Variants in RYR3 observed in about 807,000 individuals in gnomAD.
RYR3 encodes the protein brain ryanodine receptor-calcium release channel.
Under a neutral mutation model 584.3 loss-of-function variants are expected in RYR3, and 207 were observed. The observed-to-expected ratio is 0.35, with a 90% CI of 0.32 to 0.40. The LOEUF is 0.40. Ranked by LOEUF, RYR3 falls within the 10% of genes least tolerant of loss-of-function variation. The pLI, the probability that RYR3 is intolerant of heterozygous loss-of-function variation, is 1.00. For synonymous variants in RYR3, 2,416 were observed against 2,248.5 expected, an observed-to-expected ratio of 1.07 and a Z score of -2.11; for missense variants, 5,616 against 6,089.2, an observed-to-expected ratio of 0.92 and a Z score of 2.59.
intron 1 of RYR3, among the ~76,000 whole-genome samples, chr15:33,327,638 T>A (rs1969885202): frequency 6.6e-6 from 1 of 152,190 alleles, no homozygotes; most frequent in African/African-American, 2.4e-5. Context: ...TTACTTCATG[T>A]TATGAAAATC....
intron 19 of RYR3, among the ~76,000 whole-genome samples, chr15:33,614,455 C>G (rs560246501): frequency 1.6e-4 from 25 of 152,202 alleles, no homozygotes; most frequent in African/African-American, 5.3e-4. Flanking sequence ...TTAATTTTTA[C>G]TGTTATTTGT....
At chr15:33,679,805 A>G (rs944111658) in intron 38 of RYR3, among the ~76,000 whole-genome samples, 1 of 152,230 alleles carries the variant, frequency 6.6e-6, no homozygotes, top group African/African-American at 2.4e-5. Flanking sequence ...GAAAATGAGT[A>G]ATCTGCCCAG....
intron 1 of RYR3, among the ~76,000 whole-genome samples, chr15:33,438,477 T>C (rs995992253): frequency 1.3e-5 from 2 of 152,168 alleles, no homozygotes; most frequent in African/African-American, 4.8e-5. Flanking sequence ...TGTCTTTTTG[T>C]GTGGTGTGGA....
chr15:33,590,379 C>A (rs1410849700), intron 16 of RYR3, among the ~76,000 whole-genome samples: 2 of 152,130 alleles, frequency 1.3e-5, no homozygotes, highest in East Asian at 3.8e-4. Flanking sequence ...ATTGTCTGGG[C>A]TACTCAGGTT....
intron 3 of RYR3, among the ~76,000 whole-genome samples, chr15:33,522,573 C>T (rs1471302840): frequency 2.0e-5 from 3 of 152,140 alleles, no homozygotes; most frequent in East Asian, 1.9e-4. Context: ...CTTTATACTC[C>T]AAGGTTGAGA....
At chr15:33,596,495 T>TGCG (rs71454518) in intron 16 of RYR3, among the ~76,000 whole-genome samples, 1,576 of 133,812 alleles carry the variant, frequency 0.012, 36 homozygotes, top group Non-Finnish European at 0.019. Context: ...GTTCTTTTTT[T>TGCG]GGGGGGGGGG....
At chr15:33,483,479 G>C (rs959247286) in intron 2 of RYR3, among the ~76,000 whole-genome samples, 8 of 152,146 alleles carry the variant, frequency 5.3e-5, no homozygotes, top group African/African-American at 1.9e-4. Context: ...TAAATTACTA[G>C]TGTGTCTCCT....
intron 3 of RYR3, among the ~76,000 whole-genome samples, chr15:33,529,192 T>A (rs1009725675): frequency 5.3e-5 from 8 of 152,354 alleles, no homozygotes; most frequent in Admixed American, 2.0e-4. Context: ...TTCCACACAG[T>A]ATTAAAGCCT....
chr15:33,362,832 C>T (rs537480952), intron 1 of RYR3, among the ~76,000 whole-genome samples: 1 of 152,186 alleles, frequency 6.6e-6, no homozygotes, highest in Non-Finnish European at 1.5e-5. Flanking sequence ...TCCAACTCTC[C>T]CAGATAGTAT....
Position 33,533,328 on chromosome 15 carries a change from T to C in RYR3, c.372T>C (p.Thr124=). 6.2e-7 allele frequency: 1 copy of C among 1,606,114 alleles called. No individual in the cohort carries two copies. Among genetic ancestry groups the C allele is most frequent in the East Asian group, 2.2e-5 (1 of 44,734 alleles). The change falls in exon 5 of 104, where the codon ACT becomes ACC. Residue 124 remains threonine (T), a synonymous_variant. Coordinates refer to ENST00000634891, the MANE Select transcript of RYR3 (RefSeq NM_001036.6). ...TTTCACAGTATCTAACATGCTTGACTACATCAAGATCCCAGACAGACAAAC... is the reference window on the plus strand; with the variant it reads ...TTTCACAGTATCTAACATGCTTGACCACATCAAGATCCCAGACAGACAAAC... ...SFSGMYLTCL[T]TSRSQTDKLA...
chr15:33,535,816 G>A (rs1373331353), intron 5 of RYR3, among the ~76,000 whole-genome samples: 1 of 152,108 alleles, frequency 6.6e-6, no homozygotes, highest in African/African-American at 2.4e-5. Context: ...CATCAGACTA[G>A]GTGTGAATTC....
At chr15:33,660,805 T>C (rs1440217298) in intron 34 of RYR3, among the ~76,000 whole-genome samples, 4 of 152,198 alleles carry the variant, frequency 2.6e-5, no homozygotes, top group African/African-American at 9.6e-5. Flanking sequence ...TGCTATTAAT[T>C]ATGGCTGGGG....
intron 57 of RYR3, among the ~76,000 whole-genome samples, chr15:33,753,026 CAT>C (rs1172143066): frequency 6.6e-6 from 1 of 152,126 alleles, no homozygotes; most frequent in Admixed American, 6.6e-5. Flanking sequence ...TTGAGATAAT[CAT>C]GTGGTTTTTG....
Position 33,838,110 on chromosome 15 carries a change from G to A in RYR3, c.12130G>A (p.Val4044Ile). 1.2e-6 allele frequency: 2 copies of A among 1,613,938 alleles called. No individual in the cohort carries two copies. Among genetic ancestry groups the A allele is most frequent in the Middle Eastern group, 1.6e-4 (1 of 6,062 alleles). ...GGGTGGGGCCAAGAAGATTGAGCGT[G>A]TTTATTTTGAGATCAGTGAATCCAG... is the stretch of plus-strand genomic sequence containing the variant. ...IMGGAKKIER[V>I]YFEISESSRT... Residue 4044 changes from valine to isoleucine, a missense_variant, in exon 89 of 104, where the codon GTT becomes ATT. Coordinates refer to ENST00000634891, the MANE Select transcript of RYR3 (RefSeq NM_001036.6).
intron 67 of RYR3, among the ~76,000 whole-genome samples, chr15:33,797,175 C>T (rs756969899): frequency 1.2e-4 from 18 of 152,120 alleles, no homozygotes; most frequent in Non-Finnish European, 2.9e-5. Context: ...GACGTGCCAT[C>T]TCCTCCATAT....
intron 1 of RYR3, among the ~76,000 whole-genome samples, chr15:33,422,144 G>A (rs1034650451): frequency 1.3e-5 from 2 of 152,124 alleles, no homozygotes; most frequent in Non-Finnish European, 2.9e-5. Context: ...CAGTTTGTGT[G>A]GATAGTCTCA....
At chr15:33,686,649 CT>C (rs1566950866) in intron 38 of RYR3, among the ~76,000 whole-genome samples, 1 of 152,184 alleles carries the variant, frequency 6.6e-6, no homozygotes, top group East Asian at 1.9e-4. Flanking sequence ...ACCAATACCC[CT>C]GATGAACACT....
intron 43 of RYR3, chr15:33,722,380 A>C (rs1378903900): frequency 3.4e-6 from 1 of 293,538 alleles, no homozygotes; most frequent in Admixed American, 5.5e-5. Flanking sequence ...AAGAGTAAAA[A>C]CCTGCTCTGT....
At chr15:33,764,740 A>G (rs2072855927) in intron 60 of RYR3, among the ~76,000 whole-genome samples, 2 of 152,172 alleles carry the variant, frequency 1.3e-5, no homozygotes, top group Non-Finnish European at 2.9e-5. Flanking sequence ...AACTTATAAA[A>G]AGACTCAGAT....
Sources: gnomAD v4.1 joint callset for allele counts (sites outside exome capture counted in the v4.1 genomes callset) on GRCh38, gnomAD v4.1.1 for gene constraint, MANE v1.5 for transcripts, NCBI Gene and HGNC (gene_info 2026-07-23, HGNC 2026-07-21) for gene names.